ANKS6: variants seen among roughly 807,000 people sequenced by gnomAD.
ANKS6 encodes the protein ankyrin repeat and sterile alpha motif domain containing 6.
In ANKS6, 47 loss-of-function variants were observed where a neutral mutation model predicts 77.9. The ratio of observed to expected loss-of-function variants is 0.60; its 90% CI spans 0.48 to 0.77. ANKS6 has a LOEUF of 0.77. ANKS6 is among the 30% of genes least tolerant of loss of function. The pLI, the probability that ANKS6 is intolerant of heterozygous loss-of-function variation, is 0.00. For missense variants in ANKS6, 1,150 were observed against 1,159.1 expected, an observed-to-expected ratio of 0.99 and a Z score of 0.11; for synonymous variants, 488 against 501.7, an observed-to-expected ratio of 0.97 and a Z score of 0.37.
At chr9:98,785,925 T>C (rs1834539740) in intron 2 of ANKS6, among the ~76,000 whole-genome samples, 1 of 152,200 alleles carries the variant, frequency 6.6e-6, no homozygotes, top group African/African-American at 2.4e-5. Context: ...CAAATGATAA[T>C]GTTAAGGCGC....
In ANKS6 at chr9:98,790,281, G is replaced by A; in HGVS notation, c.685C>T (p.Leu229=). The change falls in exon 2 of 15, where the codon CTG becomes TTG. Residue 229 remains leucine, a synonymous_variant. Coordinates refer to ENST00000353234, the MANE Select transcript of ANKS6 (RefSeq NM_173551.5). ...HAARTVGWSP[L]MLAALTGRLG... ...CGCCCAGTGAGTGCGGCCAGCATCA[G>A]CGGGCTCCAGCCCACGGTCCGGGCT... The A allele has an allele frequency of 6.2e-7, 1 of 1,603,694 alleles. No homozygotes were observed. The highest frequency in any genetic ancestry group is 8.5e-7 in the Non-Finnish European group (1 of 1,173,202).
intron 11 of ANKS6, among the ~76,000 whole-genome samples, chr9:98,761,272 G>C (rs996660888): frequency 1.1e-4 from 17 of 152,058 alleles, no homozygotes; most frequent in Admixed American, 4.6e-4. Flanking sequence ...TGGAAAAAAA[G>C]ACTTGATTCT....
At chr9:98,780,080 G>T in intron 6 of ANKS6, 109 bp downstream of exon 6, 1 of 1,473,314 alleles carries the variant, frequency 6.8e-7, no homozygotes, top group Non-Finnish European at 9.3e-7. Context: ...TGCCACCCCT[G>T]CAGGGACTCC....
At chr9:98,769,495 T>C (rs1373544606) in intron 10 of ANKS6, among the ~76,000 whole-genome samples, 2 of 152,202 alleles carry the variant, frequency 1.3e-5, no homozygotes, top group African/African-American at 2.4e-5. Context: ...AAATGAACTG[T>C]GATGCCTCAT....
intron 2 of ANKS6, 138 bp downstream of exon 2, chr9:98,789,966 A>T: frequency 7.7e-7 from 1 of 1,294,662 alleles, no homozygotes; most frequent in Non-Finnish European, 1.0e-6. Context: ...ACTTAAGCAC[A>T]CCACTTCCTC....
intron 13 of ANKS6, 22 bp from the exon 14 acceptor site, chr9:98,745,697 G>GCCA: frequency 6.3e-7 from 1 of 1,576,926 alleles, no homozygotes; most frequent in Non-Finnish European, 8.7e-7. Flanking sequence ...GAGGGGATTT[G>GCCA]CCACCATCTG....
At chr9:98,771,185 G>T in intron 9 of ANKS6, 139 bp from the exon 10 acceptor site, 3 of 1,038,674 alleles carry the variant, frequency 2.9e-6, no homozygotes, top group South Asian at 3.5e-5. Flanking sequence ...CCCTGCCAGG[G>T]CCCAGCTGGG....
intron 9 of ANKS6, 111 bp downstream of exon 9, chr9:98,773,766 A>C (rs746711057): frequency 6.9e-6 from 7 of 1,009,938 alleles, no homozygotes; most frequent in Non-Finnish European, 9.4e-6. Flanking sequence ...AAAAGAAAAA[A>C]AAAGTTGCAA....
rs554637248 is a variant in ANKS6 at position 98,747,455 on chromosome 9, C to A, written c.2395-1780G>T. On this transcript the variant is annotated intron_variant, in intron 13 of 14. Transcript: ENST00000353234. ...GTCTGTTCCCTTAACCAGTCCTTAG[C>A]CCCCTCTGAGATGCAGGCACCCCCA... Among the ~76,000 whole-genome samples, 6 of 152,074 alleles carry A rather than the reference C, an allele frequency of 3.9e-5. 1 individual carries two copies. The highest frequency in any genetic ancestry group is 3.9e-4 in the Admixed American group (6 of 15,274).
In ANKS6 at chr9:98,734,561, C is replaced by T. The variant is rs1026388707; in HGVS notation, c.*1958G>A. The T allele has an allele frequency of 2.7e-5, 27 of 985,306 alleles. No homozygotes were observed. Among genetic ancestry groups the T allele is most frequent in the Non-Finnish European group, 3.1e-5 (26 of 829,974 alleles). The allele number at this position is 985,306 out of a possible 1,614,324, so 61.0% of individuals were successfully genotyped here. On this transcript the variant is annotated 3_prime_UTR_variant, in exon 15 of 15. Coordinates refer to ENST00000353234, the MANE Select transcript of ANKS6 (RefSeq NM_173551.5). ...ACAAGAATCACAAGTGCTTCTAGCT[C>T]CAGGAGTCTATAGGAGTTAGTGGAA... is the stretch of plus-strand genomic sequence containing the variant.
chr9:98,741,167 A>T (rs867596957), intron 14 of ANKS6, among the ~76,000 whole-genome samples: 4 of 152,394 alleles, frequency 2.6e-5, no homozygotes, highest in Non-Finnish European at 5.9e-5. Context: ...GGAATTTTTT[A>T]AAAATTAATT....
rs753053772 is a variant in ANKS6, at chr9:98,751,113, T to C, written c.2327-17A>G. ...TCAGTTCATCTTCAAGATGGAAAGG[T>C]GAAAAAAAAACAACACATTTTAGAA... On this transcript the variant is annotated splice_polypyrimidine_tract_variant and intron_variant, in intron 12 of 14. Coordinates refer to ENST00000353234, the MANE Select transcript of ANKS6 (RefSeq NM_173551.5). 1 of 1,584,220 alleles carries C rather than the reference T, an allele frequency of 6.3e-7. No individual in the cohort carries two copies. Among genetic ancestry groups the C allele is most frequent in the Non-Finnish European group, 8.6e-7 (1 of 1,166,812 alleles).
chr9:98,743,607 C>T (rs1326133236), intron 14 of ANKS6, among the ~76,000 whole-genome samples: 1 of 152,208 alleles, frequency 6.6e-6, no homozygotes, highest in African/African-American at 2.4e-5. Context: ...CACAGCACCA[C>T]CTGCCTCTCC....
In ANKS6 at chr9:98,732,827, G is replaced by C; in HGVS notation, c.*3692C>G. The C allele has an allele frequency of 7.9e-7, 1 of 1,259,364 alleles. No homozygotes were observed. Among genetic ancestry groups the C allele is most frequent in the Non-Finnish European group, 1.0e-6 (1 of 999,416 alleles). 78.0% of individuals were successfully genotyped at this position (1,259,364 alleles called of 1,614,324 possible). A position where few individuals can be genotyped will look rare whatever the true frequency, so the allele number is the denominator to read the frequency against. Reference sequence around the variant, plus strand: ...ACAGGTTGCTTCTACTCATTTTAAAGGACTAAAAACAGAAAAACAGGCACC... The same window carrying C: ...ACAGGTTGCTTCTACTCATTTTAAACGACTAAAAACAGAAAAACAGGCACC... On this transcript the variant is annotated 3_prime_UTR_variant, in exon 15 of 15. Transcript: ENST00000353234.
chr9:98,772,576 A>G (rs115271051), intron 9 of ANKS6, among the ~76,000 whole-genome samples: 2,831 of 152,272 alleles, frequency 0.019, 83 homozygotes, highest in African/African-American at 0.065. Flanking sequence ...AGAGACAGTG[A>G]CAGATCCCAG....
chr9:98,751,082 T>C lies in ANKS6; in HGVS notation c.2341A>G (p.Ile781Val), dbSNP rs770944363. 3.1e-6 allele frequency: 5 copies of C among 1,609,116 alleles called. No individual in the cohort carries two copies. Among genetic ancestry groups the C allele is most frequent in the Non-Finnish European group, 3.4e-6 (4 of 1,178,562 alleles). The change falls in exon 13 of 15, where the codon ATC becomes GTC. Residue 781 changes from isoleucine to valine, a missense_variant. Transcript: ENST00000353234. ...TTCTCAAGTGATAATTTCTTAAGGA[T>C]TCCAGTCAGTTCATCTTCAAGATGG... ...TITDEDELTG[I>V]LKKLSLEKYQ...
intron 11 of ANKS6, among the ~76,000 whole-genome samples, chr9:98,760,444 C>G (rs940835081): frequency 2.0e-5 from 3 of 152,196 alleles, no homozygotes; most frequent in South Asian, 4.1e-4. Context: ...TTTGCTGTGA[C>G]TGGTTGCCAT....
chr9:98,766,309 AT>A lies in ANKS6; in HGVS notation c.2142+1771del, dbSNP rs561067292. ...TAATAGAGAATAGTTAATATAATTT[AT>A]AACTTGGAAATGCCTTATTTCCAAT... On this transcript the variant is annotated intron_variant, in intron 11 of 14. Transcript: ENST00000353234. Among the ~76,000 whole-genome samples the A allele has an allele frequency of 1.4e-3, 212 of 152,332 alleles. 1 individual carries two copies. The highest frequency in any genetic ancestry group is 6.8e-3 in the Middle Eastern group (2 of 294).
chr9:98,770,824 A>T (rs1833579797), intron 10 of ANKS6, 72 bp downstream of exon 10: 1 of 1,278,002 alleles, frequency 7.8e-7, no homozygotes, highest in East Asian at 3.0e-5. Flanking sequence ...CAACCTGAAT[A>T]TCCAGGCAGT....
Sources: allele counts gnomAD v4.1 joint callset (sites outside exome capture counted in the v4.1 genomes callset), GRCh38; gene constraint gnomAD v4.1.1; transcripts MANE v1.5; gene names NCBI Gene and HGNC (gene_info 2026-07-23, HGNC 2026-07-21).